The following RPH3AL variants were observed in gnomAD, a reference collection of about 807,000 sequenced individuals.
The protein encoded by RPH3AL is rab effector Noc2.
Under a neutral mutation model 43.1 loss-of-function variants are expected in RPH3AL, and 38 were observed. That is an observed-to-expected ratio of 0.88 (90% CI 0.68 to 1.15). The LOEUF (loss-of-function observed/expected upper bound fraction) is 1.15. RPH3AL is among the 50% of genes most tolerant of loss of function. The pLI is 0.00. For missense variants in RPH3AL, 462 were observed against 423.2 expected (o/e 1.09, Z -0.81); for synonymous variants, 189 against 176.3 (o/e 1.07, Z -0.57).
chr17:307,413 G>A (rs1463130011), intron 5 of RPH3AL, among the ~76,000 whole-genome samples: 3 of 149,708 alleles, frequency 2.0e-5, no homozygotes, highest in East Asian at 2.0e-4. Flanking sequence ...TCCTCCCCAC[G>A]GCAGATCCTC....
In RPH3AL at chr17:350,412, C is replaced by A. The variant is rs184435294; in HGVS notation, c.-213+2300G>T. Among the ~76,000 whole-genome samples the A allele has an allele frequency of 2.5e-3, 386 of 152,246 alleles. 4 individuals are homozygous for A. Among genetic ancestry groups the A allele is most frequent in the Admixed American group, 0.018 (277 of 15,296 alleles). On this transcript the variant is annotated intron_variant, in intron 1 of 9. Coordinates refer to ENST00000331302, the MANE Select transcript of RPH3AL (RefSeq NM_006987.4). ...AGATCATGAGGTCAAGAGATCAAGA[C>A]CAGCCTGGCCAACATGGGTGAAACA...
chr17:317,775 G>C (rs1443950785), intron 5 of RPH3AL, among the ~76,000 whole-genome samples: 3 of 152,154 alleles, frequency 2.0e-5, no homozygotes. Context: ...CTGTACCTTT[G>C]GTTTTCTCAT....
chr17:278,918 A>C (rs2042719244), intron 6 of RPH3AL, among the ~76,000 whole-genome samples: 1 of 152,192 alleles, frequency 6.6e-6, no homozygotes, highest in South Asian at 2.1e-4. Context: ...ACATCTCACC[A>C]GCACTCAACT....
At chr17:278,079 A>C (rs561325119) in intron 6 of RPH3AL, among the ~76,000 whole-genome samples, 62 of 152,106 alleles carry the variant, frequency 4.1e-4, no homozygotes, top group Non-Finnish European at 8.4e-4. Context: ...GTCCCCACCC[A>C]AATCTCATCT....
intron 6 of RPH3AL, among the ~76,000 whole-genome samples, chr17:266,203 G>GGT (rs35841649): frequency 0.14 from 20,596 of 148,534 alleles, 1,447 homozygotes; most frequent in African/African-American, 0.17. Flanking sequence ...AGGCCCCAGT[G>GGT]GTGTGTGTGT....
At chr17:269,014 G>A (rs1373010910) in intron 6 of RPH3AL, among the ~76,000 whole-genome samples, 1 of 152,180 alleles carries the variant, frequency 6.6e-6, no homozygotes, top group Non-Finnish European at 1.5e-5. Context: ...GAGTAGCTGG[G>A]ACTACAGGCG....
Position 331,556 on chromosome 17 carries a change from A to G in RPH3AL, c.-37+2203T>C, listed in dbSNP as rs765902134. On this transcript the variant is annotated intron_variant, in intron 2 of 9. Coordinates refer to ENST00000331302, the MANE Select transcript of RPH3AL (RefSeq NM_006987.4). ...CACTCGCACGGAGCAACCTCGGGACAGATGGTGGGAGAGGAAGGGCAACTC... is the reference window on the plus strand; with the variant it reads ...CACTCGCACGGAGCAACCTCGGGACGGATGGTGGGAGAGGAAGGGCAACTC... 5.5e-6 allele frequency: 7 copies of G among 1,267,068 alleles called. No individual in the cohort carries two copies. In the South Asian group the frequency reaches 9.0e-5, roughly 16 times the overall value. The allele number at this position is 1,267,068 out of a possible 1,614,324, so 78.5% of individuals were successfully genotyped here. A position where few individuals can be genotyped will look rare whatever the true frequency, so the allele number is the denominator to read the frequency against.
chr17:302,695 G>A (rs938783767), intron 5 of RPH3AL, among the ~76,000 whole-genome samples: 3 of 152,336 alleles, frequency 2.0e-5, no homozygotes, highest in Middle Eastern at 3.4e-3. Flanking sequence ...TGTGTGAGCC[G>A]CCTGGAAAAG....
chr17:324,812 G>A (rs578093516), intron 3 of RPH3AL, among the ~76,000 whole-genome samples: 55 of 152,192 alleles, frequency 3.6e-4, no homozygotes, highest in African/African-American at 1.2e-3. Context: ...TGCAACATCC[G>A]CCTCCCAGGT....
At chr17:293,794 T>C (rs997307134) in intron 5 of RPH3AL, among the ~76,000 whole-genome samples, 6 of 151,956 alleles carry the variant, frequency 3.9e-5, no homozygotes, top group East Asian at 1.9e-4. Flanking sequence ...TTTGGGAGGC[T>C]GAGGTGGGCG....
chr17:235,148 TGC>T (rs1308251134), intron 7 of RPH3AL, among the ~76,000 whole-genome samples: 1 of 150,126 alleles, frequency 6.7e-6, no homozygotes, highest in African/African-American at 2.5e-5. Context: ...ACAAGACGGG[TGC>T]AGGGTTCAAA....
At chr17:313,248 C>A (rs115523204) in intron 5 of RPH3AL, among the ~76,000 whole-genome samples, 113 of 152,314 alleles carry the variant, frequency 7.4e-4, no homozygotes, top group African/African-American at 2.6e-3. Context: ...ACGGCCATCA[C>A]CACCTGTCTC....
chr17:240,364 T>C (rs62056563), intron 7 of RPH3AL, among the ~76,000 whole-genome samples: 13,978 of 152,280 alleles, frequency 0.092, 792 homozygotes, highest in Admixed American at 0.13. Flanking sequence ...GTTTTTAGTA[T>C]AGCCATACGT....
At chr17:286,143 G>A (rs181113700) in intron 5 of RPH3AL, among the ~76,000 whole-genome samples, 134 of 152,318 alleles carry the variant, frequency 8.8e-4, no homozygotes, top group Middle Eastern at 3.4e-3. Flanking sequence ...AGGGAGAGAA[G>A]CCAGGAGAGT....
intron 7 of RPH3AL, among the ~76,000 whole-genome samples, chr17:241,721 CT>C (rs58397357): frequency 0.087 from 11,628 of 133,900 alleles, 552 homozygotes; most frequent in African/African-American, 0.15. Context: ...CTTTTTTTTT[CT>C]TTTTTTTTTT....
At chr17:342,525 T>TA (rs2045145950) in intron 1 of RPH3AL, among the ~76,000 whole-genome samples, 1 of 152,158 alleles carries the variant, frequency 6.6e-6, no homozygotes. Context: ...TATTTGGCTA[T>TA]AAAAAGGAAT....
At chr17:238,872 T>C (rs1443758225) in intron 7 of RPH3AL, among the ~76,000 whole-genome samples, 1 of 152,112 alleles carries the variant, frequency 6.6e-6, no homozygotes, top group African/African-American at 2.4e-5. Context: ...CATTTACACC[T>C]CATATACCAC....
chr17:342,914 C>T (rs1459129088), intron 1 of RPH3AL, among the ~76,000 whole-genome samples: 6 of 152,162 alleles, frequency 3.9e-5, no homozygotes, highest in African/African-American at 1.4e-4. Flanking sequence ...GTTCCAAAAA[C>T]AAGAAACACC....
rs1464055305 is a variant in RPH3AL at position 215,634 on chromosome 17, G to A, written c.876+20C>T. ...GCCGCGGGGGCAGGAGAGGGGAGAAGGCAGCAGTTGGGTACTCACCGGGGC... is the reference window on the plus strand; with the variant it reads ...GCCGCGGGGGCAGGAGAGGGGAGAAAGCAGCAGTTGGGTACTCACCGGGGC... On this transcript the variant is annotated intron_variant, in intron 9 of 9. Coordinates refer to ENST00000331302, the MANE Select transcript of RPH3AL (RefSeq NM_006987.4). This position sits in a 1 kb window ranked among gnomAD's most constrained non-coding sequence, Gnocchi z 4.1. 29 of 1,264,322 alleles carry A rather than the reference G, an allele frequency of 2.3e-5. No individual in the cohort carries two copies. The highest frequency in any genetic ancestry group is 2.6e-5 in the Non-Finnish European group (26 of 999,632). The allele number at this position is 1,264,322 out of a possible 1,614,324, so 78.3% of individuals were successfully genotyped here. A position where few individuals can be genotyped will look rare whatever the true frequency, so the allele number is the denominator to read the frequency against.
Sources: gnomAD v4.1 joint callset for allele counts (sites outside exome capture counted in the v4.1 genomes callset) on GRCh38, gnomAD v4.1.1 for gene constraint, Gnocchi (gnomAD v3.1) non-coding constraint, MANE v1.5 for transcripts, NCBI Gene and HGNC (gene_info 2026-07-23, HGNC 2026-07-21) for gene names.